The following ABLIM2 variants were observed in gnomAD, a reference collection of about 807,000 sequenced individuals.
The protein encoded by ABLIM2 is actin binding LIM protein family member 2, also known as actin-binding LIM protein 2.
A neutral mutation model predicts 97.7 loss-of-function variants in ABLIM2; 53 were observed. The observed-to-expected ratio is 0.54, with a 90% CI of 0.44 to 0.68. The LOEUF (loss-of-function observed/expected upper bound fraction) is 0.68, where lower values mean the gene tolerates loss of function less well. Among genes scored for constraint, ABLIM2 ranks in the 30% least tolerant of loss-of-function variants. The pLI is 0.00. For synonymous variants in ABLIM2, 361 were observed against 345.8 expected, an observed-to-expected ratio of 1.04 and a Z score of -0.49; for missense variants, 835 against 867.2, an observed-to-expected ratio of 0.96 and a Z score of 0.47.
At chr4:7,993,370 C>A (rs1014263253) in intron 16 of ABLIM2, among the ~76,000 whole-genome samples, 1 of 152,230 alleles carries the variant, frequency 6.6e-6, no homozygotes, top group African/African-American at 2.4e-5. Flanking sequence ...GCACATGGGG[C>A]CTGGAGGCAA....
rs1372096312 is a variant in ABLIM2 at position 8,061,674 on chromosome 4, CG to C, written c.676-621del. ...GGAGCAAAAAAAAAAAAAATCACCC[CG>C]AAATGCTCCCTTTACCCCCACGTTC... On this transcript the variant is annotated intron_variant, in intron 6 of 20. Transcript: ENST00000447017. This position sits in a 1 kb window ranked among gnomAD's most constrained non-coding sequence, Gnocchi z 4.5. 6.6e-6 allele frequency among the ~76,000 whole-genome samples: 1 copy of C among 151,774 alleles called. No homozygotes were observed. The highest frequency in any genetic ancestry group is 1.5e-5 in the Non-Finnish European group (1 of 67,918).
At chr4:8,047,949 A>C (rs531227870) in intron 8 of ABLIM2, among the ~76,000 whole-genome samples, 57 of 152,366 alleles carry the variant, frequency 3.7e-4, no homozygotes, top group Non-Finnish European at 7.6e-4. Context: ...CGAGCACACC[A>C]ACAGCAGCAC....
rs981720723 is a variant in ABLIM2 at position 8,124,235 on chromosome 4, G to T, written c.11-17598C>A. 1.3e-5 allele frequency among the ~76,000 whole-genome samples: 2 copies of T among 152,288 alleles called. No individual in the cohort carries two copies. The highest frequency in any genetic ancestry group is 4.1e-4 in the South Asian group (2 of 4,830). On this transcript the variant is annotated intron_variant, in intron 1 of 20. Transcript: ENST00000447017. The surrounding 1 kb of genome is among the most constrained non-coding windows in gnomAD (Gnocchi z 6.1). ...CTAGCCAGCTCTGCAGAAGTGCTCGGTGCACACATCTGAAAATCATAACTT... is the reference window on the plus strand; with the variant it reads ...CTAGCCAGCTCTGCAGAAGTGCTCGTTGCACACATCTGAAAATCATAACTT...
At position 8,021,627 on chromosome 4, in the gene ABLIM2, C is replaced by T. The variant is rs1006072481; in HGVS notation, c.1268-1324G>A. Among the ~76,000 whole-genome samples, 6 of 152,218 alleles carry T rather than the reference C, an allele frequency of 3.9e-5. No homozygotes were observed. The highest frequency in any genetic ancestry group is 7.3e-5 in the Non-Finnish European group (5 of 68,040). On this transcript the variant is annotated intron_variant, in intron 12 of 20. Coordinates refer to ENST00000447017, the MANE Select transcript of ABLIM2 (RefSeq NM_001130083.2). This position sits in a 1 kb window ranked among gnomAD's most constrained non-coding sequence, Gnocchi z 5.5. ...GTGCTGGGCCTGAAGGTGGACTGGC[C>T]AGGGACCCCACAGTGGACTCGTGAG...
In ABLIM2 at chr4:8,061,653, CA is replaced by C. The variant is rs200304779; in HGVS notation, c.676-600del. On this transcript the variant is annotated intron_variant, in intron 6 of 20. Transcript: ENST00000447017. The surrounding 1 kb of genome is among the most constrained non-coding windows in gnomAD (Gnocchi z 4.5). ...TGGTTTGGCTTATTTTTGCCTGGAG[CA>C]AAAAAAAAAAAAATCACCCCGAAAT... Among the ~76,000 whole-genome samples the C allele has an allele frequency of 0.012, 1,712 of 137,500 alleles. 7 individuals are homozygous for C. Among genetic ancestry groups the C allele is most frequent in the South Asian group, 0.02 (85 of 4,216 alleles). 90.2% of individuals were successfully genotyped at this position (137,500 alleles called of 152,430 possible). A position where few individuals can be genotyped will look rare whatever the true frequency, so the allele number is the denominator to read the frequency against.
chr4:8,154,281 CTTTTTTTT>C (rs34112937), intron 1 of ABLIM2, among the ~76,000 whole-genome samples: 1 of 114,530 alleles, frequency 8.7e-6, no homozygotes, highest in African/African-American at 3.6e-5. Context: ...CTTTTCTTTT[CTTTTTTTT>C]TTTTTTTTTT....
intron 3 of ABLIM2, among the ~76,000 whole-genome samples, chr4:8,089,460 C>T (rs972158756): frequency 7.9e-5 from 12 of 152,114 alleles, no homozygotes; most frequent in Admixed American, 4.6e-4. Flanking sequence ...TGTGGCCAGG[C>T]GCAGTGGCTC....
rs149668142 is a variant in ABLIM2 at position 8,085,443 on chromosome 4, C to T, written c.454+2726G>A. On this transcript the variant is annotated intron_variant, in intron 4 of 20. Coordinates refer to ENST00000447017, the MANE Select transcript of ABLIM2 (RefSeq NM_001130083.2). This position sits in a 1 kb window ranked among gnomAD's most constrained non-coding sequence, Gnocchi z 6.1. ...GTGTCTCAGTGCCATTCCCATTCCC[C>T]GCCCCCACGCTGCAGCCCCGTCCAC... Among the ~76,000 whole-genome samples, 3 of 152,304 alleles carry T rather than the reference C, an allele frequency of 2.0e-5. No individual in the cohort carries two copies. Among genetic ancestry groups the T allele is most frequent in the Non-Finnish European group, 2.9e-5 (2 of 68,014 alleles).
chr4:8,016,680 T>C (rs760376048), intron 14 of ABLIM2, among the ~76,000 whole-genome samples: 7 of 152,166 alleles, frequency 4.6e-5, no homozygotes, highest in Admixed American at 1.3e-4. Flanking sequence ...GTGCTGGAGA[T>C]AAAGACTGTC....
At chr4:8,115,168 C>A (rs1842278503) in intron 1 of ABLIM2, among the ~76,000 whole-genome samples, 1 of 152,230 alleles carries the variant, frequency 6.6e-6, no homozygotes, top group Admixed American at 6.5e-5. Flanking sequence ...ATACCTCAGG[C>A]TCCTGACCTC....
intron 1 of ABLIM2, among the ~76,000 whole-genome samples, chr4:8,129,099 G>T (rs1358444967): frequency 6.6e-6 from 1 of 152,064 alleles, no homozygotes; most frequent in Admixed American, 6.6e-5. Context: ...GAGGCTGGGG[G>T]CAGAGGCCCT....
rs1773787548 is a variant in ABLIM2, at chr4:8,021,622, C to A, written c.1268-1319G>T. On this transcript the variant is annotated intron_variant, in intron 12 of 20. Transcript: ENST00000447017. This position sits in a 1 kb window ranked among gnomAD's most constrained non-coding sequence, Gnocchi z 5.5. ...GTGATGTGCTGGGCCTGAAGGTGGA[C>A]TGGCCAGGGACCCCACAGTGGACTC... Among the ~76,000 whole-genome samples, 1 of 152,224 alleles carries A rather than the reference C, an allele frequency of 6.6e-6. No individual in the cohort carries two copies. Among genetic ancestry groups the A allele is most frequent in the Non-Finnish European group, 1.5e-5 (1 of 68,034 alleles).
intron 14 of ABLIM2, among the ~76,000 whole-genome samples, chr4:8,010,950 G>T (rs1005615427): frequency 7.2e-5 from 11 of 152,262 alleles, no homozygotes; most frequent in African/African-American, 2.2e-4. Context: ...CATTGTCCAA[G>T]CCAGAGAAGG....
At position 8,077,479 on chromosome 4, in the gene ABLIM2, T is replaced by C. The variant is rs998873665; in HGVS notation, c.675+149A>G. On this transcript the variant is annotated intron_variant, in intron 6 of 20. Transcript: ENST00000447017. ...GCAGGCCCTGGACAGCTGATGAGGG[T>C]GTCCATTGGCTGAGCTGGCAGGAAT... 8 of 744,364 alleles carry C rather than the reference T, an allele frequency of 1.1e-5. No individual in the cohort carries two copies. In the African/African-American group the frequency reaches 1.4e-4, roughly 13 times the overall value. 46.1% of individuals were successfully genotyped at this position (744,364 alleles called of 1,614,324 possible).
intron 2 of ABLIM2, among the ~76,000 whole-genome samples, chr4:8,100,662 C>T (rs1834059580): frequency 6.7e-6 from 1 of 149,976 alleles, no homozygotes; most frequent in Non-Finnish European, 1.5e-5. Context: ...AGGAGAATCA[C>T]TTGAACCTGG....
rs1028850519 is a variant in ABLIM2, at chr4:8,080,805, G to A, written c.455-3C>T. 52 of 1,603,060 alleles carry A rather than the reference G, an allele frequency of 3.2e-5. No individual in the cohort carries two copies. Among genetic ancestry groups the A allele is most frequent in the Non-Finnish European group, 4.3e-5 (50 of 1,173,378 alleles). ...TTCTGTGCCGCAGCCCCCACAACCTGGAAGAAAGAGAAGAGAACACAGACA... is the reference window on the plus strand; with the variant it reads ...TTCTGTGCCGCAGCCCCCACAACCTAGAAGAAAGAGAAGAGAACACAGACA... On this transcript the variant is annotated splice_region_variant and splice_polypyrimidine_tract_variant and intron_variant, in intron 4 of 20. Transcript: ENST00000447017.
At chr4:8,014,990 G>A (rs552275576) in intron 14 of ABLIM2, among the ~76,000 whole-genome samples, 95 of 151,012 alleles carry the variant, frequency 6.3e-4, no homozygotes, top group African/African-American at 2.0e-3. Flanking sequence ...GCACTAACTC[G>A]GCTCACTGCA....
chr4:8,132,001 A>AGCAGCCCGCATCCCCTGCACG lies in ABLIM2; in HGVS notation c.11-25385_11-25365dup, dbSNP rs1179592428. ...GCACGGCAGCCCGCATCCCCTGCAC[A>AGCAGCCCGCATCCCCTGCACG]GCAGCCCGCATCCCCTGCACGGCAG... On this transcript the variant is annotated intron_variant, in intron 1 of 20. Coordinates refer to ENST00000447017, the MANE Select transcript of ABLIM2 (RefSeq NM_001130083.2). The surrounding 1 kb of genome is among the most constrained non-coding windows in gnomAD (Gnocchi z 8.0). 3.5e-5 allele frequency among the ~76,000 whole-genome samples: 5 copies of AGCAGCCCGCATCCCCTGCACG among 143,278 alleles called. No individual in the cohort carries two copies. The highest frequency in any genetic ancestry group is 5.9e-5 in the Non-Finnish European group (4 of 67,600). The allele number at this position is 143,278 out of a possible 152,430, so 94.0% of individuals were successfully genotyped here. A position where few individuals can be genotyped will look rare whatever the true frequency, so the allele number is the denominator to read the frequency against.
Position 7,970,009 on chromosome 4 carries a change from A to C in ABLIM2, c.1825-2906T>G, listed in dbSNP as rs1726485530. On this transcript the variant is annotated intron_variant, in intron 20 of 20. Coordinates refer to ENST00000447017, the MANE Select transcript of ABLIM2 (RefSeq NM_001130083.2). This position sits in a 1 kb window ranked among gnomAD's most constrained non-coding sequence, Gnocchi z 5.3. ...GTGTCATTTAAGATAGCAGCCCTGC[A>C]CTTACAGGTACAAAATCACCATCTT... Among the ~76,000 whole-genome samples, 1 of 152,218 alleles carries C rather than the reference A, an allele frequency of 6.6e-6. No individual in the cohort carries two copies. Among genetic ancestry groups the C allele is most frequent in the South Asian group, 2.1e-4 (1 of 4,834 alleles).
Sources: allele counts gnomAD v4.1 joint callset (sites outside exome capture counted in the v4.1 genomes callset), GRCh38; gene constraint gnomAD v4.1.1; non-coding constraint Gnocchi (gnomAD v3.1); transcripts MANE v1.5; gene names NCBI Gene and HGNC (gene_info 2026-07-23, HGNC 2026-07-21).